Variants in HHIP observed in about 807,000 individuals in gnomAD.
The protein encoded by HHIP is hedgehog interacting protein, also known as hedgehog-interacting protein.
Under a neutral mutation model 74.0 loss-of-function variants are expected in HHIP, and 12 were observed. That is an observed-to-expected ratio of 0.16 (90% confidence interval 0.10 to 0.26). HHIP has a LOEUF of 0.26. HHIP is among the 10% of genes least tolerant of loss of function. HHIP has a pLI of 1.00. For synonymous variants in HHIP, 309 were observed against 311.6 expected, an observed-to-expected ratio of 0.99 and a Z score of 0.09; for missense variants, 788 against 845.0, an observed-to-expected ratio of 0.93 and a Z score of 0.84.
chr4:144,654,786 T>G (rs1389832375), intron 2 of HHIP: 1 of 152,216 alleles, frequency 6.6e-6, no homozygotes, highest in African/African-American at 2.4e-5. Flanking sequence ...AATGATATGG[T>G]TCACTTTCCT....
At chr4:144,723,076 T>G (rs1730683465) in intron 11 of HHIP, among the ~76,000 whole-genome samples, 1 of 149,296 alleles carries the variant, frequency 6.7e-6, no homozygotes, top group South Asian at 2.1e-4. Flanking sequence ...ACCAAATGAC[T>G]TTTTTTGAAA....
In HHIP at chr4:144,646,368, C is replaced by T; in HGVS notation, c.-308C>T. 3.3e-6 allele frequency: 1 copy of T among 302,938 alleles called. No homozygotes were observed. Among genetic ancestry groups the T allele is most frequent in the Non-Finnish European group, 6.1e-6 (1 of 165,168 alleles). The allele number at this position is 302,938 out of a possible 1,614,324, so 18.8% of individuals were successfully genotyped here. On this transcript the variant is annotated 5_prime_UTR_variant, in exon 1 of 13. Coordinates refer to ENST00000296575, the MANE Select transcript of HHIP (RefSeq NM_022475.3). Reference sequence around the variant, plus strand: ...TCCTCCTCTTCCAACTCCTTCTCCTCCTCCCACTTCCCAGCCGCAGCAGAA... The same window carrying T: ...TCCTCCTCTTCCAACTCCTTCTCCTTCTCCCACTTCCCAGCCGCAGCAGAA...
intron 4 of HHIP, among the ~76,000 whole-genome samples, chr4:144,679,069 T>G (rs970367136): frequency 1.1e-4 from 16 of 152,140 alleles, no homozygotes; most frequent in African/African-American, 3.9e-4. Flanking sequence ...AATGATCTCT[T>G]TTCTAACTGG....
chr4:144,689,279 A>AT (rs556054736), intron 4 of HHIP, among the ~76,000 whole-genome samples: 4 of 152,346 alleles, frequency 2.6e-5, no homozygotes, highest in African/African-American at 9.6e-5. Flanking sequence ...CATTATAAAT[A>AT]TTTTTTGTAC....
At chr4:144,715,249 A>G (rs1730412930) in intron 9 of HHIP, 51 bp from the exon 10 acceptor site, 3 of 1,555,586 alleles carry the variant, frequency 1.9e-6, no homozygotes, top group Non-Finnish European at 2.6e-6. Flanking sequence ...ATTGTCATCA[A>G]TAAACAAAAG....
At chr4:144,729,852 C>T (rs11100864) in intron 11 of HHIP, among the ~76,000 whole-genome samples, 97,826 of 151,934 alleles carry the variant, frequency 0.64, 31,890 homozygotes, top group South Asian at 0.76. Flanking sequence ...TATCTTGTTT[C>T]ACAATGAAAT....
At chr4:144,715,524 C>CCTG in intron 10 of HHIP, 94 bp downstream of exon 10, 1 of 1,208,444 alleles carries the variant, frequency 8.3e-7, no homozygotes, top group South Asian at 1.6e-5. Flanking sequence ...CAATCTTATC[C>CCTG]TCTACTTGTT....
At chr4:144,659,181 A>C (rs1038372885) in intron 3 of HHIP, among the ~76,000 whole-genome samples, 1 of 152,166 alleles carries the variant, frequency 6.6e-6, no homozygotes, top group African/African-American at 2.4e-5. Context: ...TGTCAATTTT[A>C]TGGGTATAGT....
chr4:144,682,033 T>C (rs1729362456), intron 4 of HHIP, among the ~76,000 whole-genome samples: 1 of 152,242 alleles, frequency 6.6e-6, no homozygotes, highest in Non-Finnish European at 1.5e-5. Flanking sequence ...ATACTCATGT[T>C]GAATTATTTG....
intron 2 of HHIP, among the ~76,000 whole-genome samples, chr4:144,653,352 A>T (rs747460844): frequency 3.3e-5 from 5 of 152,172 alleles, no homozygotes; most frequent in Non-Finnish European, 7.4e-5. Flanking sequence ...TTGGCAGATG[A>T]GGAAATCTGA....
chr4:144,659,341 TA>T (rs1182201095), intron 3 of HHIP, among the ~76,000 whole-genome samples: 1 of 152,246 alleles, frequency 6.6e-6, no homozygotes, highest in Non-Finnish European at 1.5e-5. Context: ...TGAGTAAAAC[TA>T]ATTTTAATTA....
chr4:144,741,379 T>TC lies in HHIP; in HGVS notation c.*3422_*3423insC, dbSNP rs1331624433. 6.8e-6 allele frequency: 1 copy of TC among 147,026 alleles called. No homozygotes were observed. Among genetic ancestry groups the TC allele is most frequent in the African/African-American group, 2.6e-5 (1 of 39,078 alleles). 9.1% of individuals were successfully genotyped at this position (147,026 alleles called of 1,614,324 possible). A position where few individuals can be genotyped will look rare whatever the true frequency, so the allele number is the denominator to read the frequency against. ...CCATTTGCTGTTTTTTTTTTTTTTT[T>TC]GGTTTCTTTTTTTTTTTTTTTGAGA... On this transcript the variant is annotated 3_prime_UTR_variant, in exon 13 of 13. Transcript: ENST00000296575.
intron 1 of HHIP, chr4:144,650,885 G>C (rs1271296681): frequency 6.6e-6 from 1 of 152,114 alleles, no homozygotes; most frequent in Non-Finnish European, 1.5e-5. Flanking sequence ...TAGCAGCTGA[G>C]AGAGTATATG....
intron 4 of HHIP, among the ~76,000 whole-genome samples, chr4:144,679,051 G>A (rs1015302138): frequency 2.0e-5 from 3 of 152,076 alleles, no homozygotes; most frequent in Non-Finnish European, 4.4e-5. Flanking sequence ...GTTGTTTCCT[G>A]ACTTTTTAAT....
At chr4:144,647,253 G>T in intron 1 of HHIP, 1 of 341,052 alleles carries the variant, frequency 2.9e-6, no homozygotes, top group Non-Finnish European at 5.3e-6. Context: ...GAATCGCGAT[G>T]AACAGTGTGT....
chr4:144,658,961 A>C lies in HHIP; in HGVS notation c.629+15A>C, dbSNP rs778301897. 2 of 1,586,488 alleles carry C rather than the reference A, an allele frequency of 1.3e-6. No individual in the cohort carries two copies. The highest frequency in any genetic ancestry group is 2.7e-5 in the African/African-American group (2 of 73,816). ...GAGATCAGCAGGTTCATAAAGATAA[A>C]TGCTCTTTAATCTTTTTAAAAAAAC... is the stretch of plus-strand genomic sequence containing the variant. On this transcript the variant is annotated intron_variant, in intron 3 of 12. Coordinates refer to ENST00000296575, the MANE Select transcript of HHIP (RefSeq NM_022475.3).
At chr4:144,690,315 G>T (rs72948481) in intron 4 of HHIP, among the ~76,000 whole-genome samples, 3,539 of 152,200 alleles carry the variant, frequency 0.023, 135 homozygotes, top group African/African-American at 0.081. Context: ...CTTCTGTATG[G>T]GGTAGGGAGA....
rs563832030 is a variant in HHIP at position 144,731,147 on chromosome 4, T to A, written c.1761-3594T>A. Among the ~76,000 whole-genome samples the A allele has an allele frequency of 8.1e-4, 124 of 152,302 alleles. 1 individual carries two copies. Among genetic ancestry groups the A allele is most frequent in the African/African-American group, 2.9e-3 (121 of 41,566 alleles). On this transcript the variant is annotated intron_variant, in intron 11 of 12. Coordinates refer to ENST00000296575, the MANE Select transcript of HHIP (RefSeq NM_022475.3). ...TGATATGAAAGTATAGCAATTAGAT[T>A]TTAAGGATATCCCTCCCCTGAATGG...
chr4:144,718,256 A>G (rs576891038), intron 10 of HHIP, among the ~76,000 whole-genome samples: 5 of 152,226 alleles, frequency 3.3e-5, no homozygotes, highest in Admixed American at 2.6e-4. Flanking sequence ...AGAAGGGGGG[A>G]AAAAATGAAC....
Sources: gnomAD v4.1 joint callset for allele counts (sites outside exome capture counted in the v4.1 genomes callset) on GRCh38, gnomAD v4.1.1 for gene constraint, MANE v1.5 for transcripts, NCBI Gene and HGNC (gene_info 2026-07-23, HGNC 2026-07-21) for gene names.